The following ABL1 variants were observed in gnomAD, a reference collection of about 807,000 sequenced individuals.
ABL1 encodes the protein ABL proto-oncogene 1, non-receptor tyrosine kinase, also known as tyrosine-protein kinase ABL1.
ABL1 carries 11 observed loss-of-function variants against 94.7 expected under a neutral mutation model. That is an observed-to-expected ratio of 0.12 (90% CI 0.07 to 0.19). The LOEUF is 0.19. ABL1 is among the 10% of genes least tolerant of loss of function. The pLI is 1.00. For synonymous variants in ABL1, 656 were observed against 622.4 expected (o/e 1.05, Z -0.80); for missense variants, 1,082 against 1,489.4 (o/e 0.73, Z 4.50).
At chr9:130,763,978 G>A (rs1832149881) in intron 1 of ABL1, among the ~76,000 whole-genome samples, 1 of 152,126 alleles carries the variant, frequency 6.6e-6, no homozygotes, top group Admixed American at 6.6e-5. Context: ...TAACATAATG[G>A]GGGCAGGGAA....
At chr9:130,777,959 G>A (rs1829690616) in intron 1 of ABL1, among the ~76,000 whole-genome samples, 2 of 118,774 alleles carry the variant, frequency 1.7e-5, no homozygotes, top group Admixed American at 8.1e-5. Context: ...CTGTGAGCAG[G>A]GGAATCGAGG....
chr9:130,838,846 T>C (rs189600549), intron 1 of ABL1, among the ~76,000 whole-genome samples: 8 of 152,352 alleles, frequency 5.3e-5, no homozygotes, highest in African/African-American at 1.9e-4. Context: ...ATGTGACAGT[T>C]GTGTACTGTA....
chr9:130,878,006 G>A (rs35022374), intron 7 of ABL1, among the ~76,000 whole-genome samples: 77 of 152,086 alleles, frequency 5.1e-4, no homozygotes, highest in African/African-American at 1.7e-3. Context: ...GTAGAGACAG[G>A]GTTTCACCAT....
chr9:130,856,921 A>T (rs1040379438), intron 3 of ABL1, among the ~76,000 whole-genome samples: 12 of 152,200 alleles, frequency 7.9e-5, no homozygotes, highest in Admixed American at 2.6e-4. Context: ...ATTGTAAATA[A>T]TGCTGATATG....
intron 1 of ABL1, among the ~76,000 whole-genome samples, chr9:130,824,763 A>G (rs1588254117): frequency 6.6e-6 from 1 of 152,186 alleles, no homozygotes; most frequent in African/African-American, 2.4e-5. Flanking sequence ...CCATCACCAC[A>G]GTGCCACTTA....
intron 1 of ABL1, among the ~76,000 whole-genome samples, chr9:130,779,960 T>C (rs963190284): frequency 6.6e-6 from 1 of 152,146 alleles, no homozygotes; most frequent in Admixed American, 6.5e-5. Context: ...TTTTATAATT[T>C]GGATGTTCTT....
intron 10 of ABL1, among the ~76,000 whole-genome samples, chr9:130,881,773 C>T (rs2133028686): frequency 6.6e-6 from 1 of 151,792 alleles, no homozygotes; most frequent in African/African-American, 2.4e-5. Context: ...AGACTGGGTA[C>T]ATGTGAAGGG....
intron 1 of ABL1, among the ~76,000 whole-genome samples, chr9:130,741,785 G>A (rs985592986): frequency 2.0e-5 from 3 of 152,234 alleles, no homozygotes; most frequent in Non-Finnish European, 4.4e-5. Context: ...TACAGAAGGG[G>A]TGAGACCATA....
At chr9:130,731,585 G>C (rs1047825850) in intron 1 of ABL1, among the ~76,000 whole-genome samples, 3 of 152,144 alleles carry the variant, frequency 2.0e-5, no homozygotes, top group Admixed American at 1.3e-4. Context: ...ATACATGTAC[G>C]TGTGGATCTG....
At chr9:130,771,240 G>GTGTGTGTATGTATGTA (rs561434382) in intron 1 of ABL1, among the ~76,000 whole-genome samples, 2 of 151,694 alleles carry the variant, frequency 1.3e-5, no homozygotes, top group African/African-American at 4.9e-5. Context: ...ATGTGTGTGT[G>GTGTGTGTATGTATGTA]TGTATGTATG....
chr9:130,791,251 C>A (rs1189156269), intron 1 of ABL1, among the ~76,000 whole-genome samples: 2 of 152,004 alleles, frequency 1.3e-5, no homozygotes, highest in Non-Finnish European at 2.9e-5. Context: ...ACAGTGTTTT[C>A]AAAGTAGGCA....
At chr9:130,848,220 G>T (rs969774837) in intron 1 of ABL1, among the ~76,000 whole-genome samples, 1 of 151,936 alleles carries the variant, frequency 6.6e-6, no homozygotes, top group African/African-American at 2.4e-5. Flanking sequence ...TAAGTTTAGG[G>T]CCAGGCGCGG....
rs949061350 is a variant in ABL1 at position 130,863,987 on chromosome 9, G to A, written c.822+952G>A. 2.0e-5 allele frequency among the ~76,000 whole-genome samples: 3 copies of A among 152,190 alleles called. No individual in the cohort carries two copies. The highest frequency in any genetic ancestry group is 6.5e-5 in the Admixed American group (1 of 15,280). ...AGGTGCACACATTGAGACTGGTGCAGCCACATGCCTGCCTTTTAGGGACTC... is the reference window on the plus strand; with the variant it reads ...AGGTGCACACATTGAGACTGGTGCAACCACATGCCTGCCTTTTAGGGACTC... On this transcript the variant is annotated intron_variant, in intron 4 of 10. Coordinates refer to ENST00000318560, the MANE Select transcript of ABL1 (RefSeq NM_005157.6). The surrounding 1 kb of genome is among the most constrained non-coding windows in gnomAD (Gnocchi z 4.3).
At position 130,877,781 on chromosome 9, in the gene ABL1, C is replaced by G. The variant is rs566420818; in HGVS notation, c.1271-634C>G. Among the ~76,000 whole-genome samples, 4 of 145,300 alleles carry G rather than the reference C, an allele frequency of 2.8e-5. 1 individual carries two copies. The South Asian group carries it at 8.5e-4, about 31-fold the overall frequency. On this transcript the variant is annotated intron_variant, in intron 7 of 10. Coordinates refer to ENST00000318560, the MANE Select transcript of ABL1 (RefSeq NM_005157.6). ...TCAGCCTCCAAAGTAGCCAGGACTA[C>G]TGGCGTACACCACCACACCTGGCTA...
chr9:130,885,738 G>T lies in ABL1; in HGVS notation c.*55G>T. 10 of 1,559,244 alleles carry T rather than the reference G, an allele frequency of 6.4e-6. No individual in the cohort carries two copies. The highest frequency in any genetic ancestry group is 7.8e-6 in the Non-Finnish European group (9 of 1,153,146). ...TCGGAGCTGCCTGCAGCACATGCGG[G>T]CTCGCCCATACCCGTGACAGTGGCT... On this transcript the variant is annotated 3_prime_UTR_variant, in exon 11 of 11. Coordinates refer to ENST00000318560, the MANE Select transcript of ABL1 (RefSeq NM_005157.6).
Position 130,781,776 on chromosome 9 carries a change from A to C in ABL1, c.136+67321A>C, listed in dbSNP as rs190136395. On this transcript the variant is annotated intron_variant, in intron 1 of 10. Transcript: ENST00000372348. ...GTGGAATTCTCCCCTTAACCATCTA[A>C]ATCTGTATTTTTTTTTTCCCCATTT... Among the ~76,000 whole-genome samples, 6 of 152,166 alleles carry C rather than the reference A, an allele frequency of 3.9e-5. No homozygotes were observed. The East Asian group carries it at 1.2e-3, about 29-fold the overall frequency.
Position 130,880,732 on chromosome 9 carries a change from C to G in ABL1, c.1678+68C>G, listed in dbSNP as rs189793676. ...CTGCCAGAGGCTACATTCAGGCCATCATAGGCCAACGGGAAGCTGTGAATG... is the reference window on the plus strand; with the variant it reads ...CTGCCAGAGGCTACATTCAGGCCATGATAGGCCAACGGGAAGCTGTGAATG... On this transcript the variant is annotated intron_variant, in intron 10 of 10. Coordinates refer to ENST00000318560, the MANE Select transcript of ABL1 (RefSeq NM_005157.6). This position sits in a 1 kb window ranked among gnomAD's most constrained non-coding sequence, Gnocchi z 4.4. 77 of 1,557,044 alleles carry G rather than the reference C, an allele frequency of 4.9e-5. No individual in the cohort carries two copies. In the South Asian group the frequency reaches 5.4e-4, roughly 11 times the overall value.
intron 1 of ABL1, among the ~76,000 whole-genome samples, chr9:130,795,414 C>T (rs1028379667): frequency 2.6e-5 from 4 of 152,104 alleles, no homozygotes; most frequent in Non-Finnish European, 5.9e-5. Context: ...AGTGTTTTCC[C>T]GACAGTATCA....
At chr9:130,827,189 A>G (rs1830437777) in intron 1 of ABL1, among the ~76,000 whole-genome samples, 1 of 152,218 alleles carries the variant, frequency 6.6e-6, no homozygotes, top group Non-Finnish European at 1.5e-5. Flanking sequence ...GGCAAAGAGC[A>G]GATTTTTTAA....
Sources: allele counts gnomAD v4.1 joint callset (sites outside exome capture counted in the v4.1 genomes callset), GRCh38; gene constraint gnomAD v4.1.1; non-coding constraint Gnocchi (gnomAD v3.1); transcripts MANE v1.5; gene names NCBI Gene and HGNC (gene_info 2026-07-23, HGNC 2026-07-21).